Variants in TECRL observed in about 807,000 individuals in gnomAD.
TECRL encodes the protein trans-2,3-enoyl-CoA reductase like.
Under a neutral mutation model 52.8 loss-of-function variants are expected in TECRL, and 63 were observed. That is an observed-to-expected ratio of 1.19 (90% CI 0.97 to 1.47). The LOEUF (loss-of-function observed/expected upper bound fraction) is 1.47. Among genes scored for constraint, TECRL ranks in the 40% most tolerant of loss-of-function variants. TECRL has a pLI of 0.00. For missense variants in TECRL, 482 were observed against 429.6 expected (o/e 1.12, Z -1.08); for synonymous variants, 164 against 141.9 (o/e 1.16, Z -1.10).
At chr4:64,361,146 G>T (rs1181722748) in intron 2 of TECRL, among the ~76,000 whole-genome samples, 2 of 152,034 alleles carry the variant, frequency 1.3e-5, no homozygotes, top group East Asian at 1.9e-4. Flanking sequence ...GCTTGTCAGT[G>T]GTCACTGCCA....
intron 2 of TECRL, among the ~76,000 whole-genome samples, chr4:64,348,340 C>T (rs1206847012): frequency 1.3e-5 from 2 of 152,148 alleles, no homozygotes; most frequent in African/African-American, 4.8e-5. Flanking sequence ...ATCAGGAGAA[C>T]AGCATGGTTT....
chr4:64,289,359 C>T (rs761918304), intron 9 of TECRL, among the ~76,000 whole-genome samples: 1 of 152,086 alleles, frequency 6.6e-6, no homozygotes, highest in African/African-American at 2.4e-5. Context: ...AAATATTGTA[C>T]AAGTGGGATC....
intron 2 of TECRL, among the ~76,000 whole-genome samples, chr4:64,360,043 T>A (rs6551818): frequency 0.9 from 136,803 of 152,218 alleles, 62,139 homozygotes; most frequent in East Asian, 1. Context: ...TCTATATATC[T>A]TTAGCTGAAC....
chr4:64,409,162 T>G lies in TECRL; in HGVS notation c.190A>C (p.Ile64Leu), dbSNP rs1253613798. 6.2e-7 allele frequency: 1 copy of G among 1,613,504 alleles called. No homozygotes were observed. The highest frequency in any genetic ancestry group is 8.5e-7 in the Non-Finnish European group (1 of 1,179,764). The change falls in exon 1 of 12, where the codon ATA becomes CTA. Residue 64 changes from isoleucine to leucine, a missense_variant. Physicochemically the swap from Ile to Leu is conservative, Grantham distance 5. Transcript: ENST00000381210. ...HSKTTHFEIE[I>L]FDAQTRKQIC... The stretch of plus-strand genomic sequence containing the variant: ...TGTTTCCTTGTTTGAGCATCAAATA[T>G]TTCAATCTCAAAGTGAGTCGTTTTT...
At chr4:64,361,981 A>T (rs1721233581) in intron 2 of TECRL, among the ~76,000 whole-genome samples, 1 of 152,188 alleles carries the variant, frequency 6.6e-6, no homozygotes, top group Non-Finnish European at 1.5e-5. Context: ...GTATTAAAAG[A>T]TGACATAGCC....
At chr4:64,313,182 G>A (rs1426126044) in intron 5 of TECRL, among the ~76,000 whole-genome samples, 1 of 152,000 alleles carries the variant, frequency 6.6e-6, no homozygotes, top group African/African-American at 2.4e-5. Flanking sequence ...CTTGATTCGA[G>A]GTAAGAAAGT....
At chr4:64,329,112 G>T (rs1202799602) in intron 2 of TECRL, among the ~76,000 whole-genome samples, 1 of 151,816 alleles carries the variant, frequency 6.6e-6, no homozygotes, top group Non-Finnish European at 1.5e-5. Flanking sequence ...AATAAAGAGA[G>T]CACTAAATAA....
chr4:64,323,993 G>A (rs1160481663), intron 3 of TECRL, among the ~76,000 whole-genome samples: 1 of 151,992 alleles, frequency 6.6e-6, no homozygotes, highest in Non-Finnish European at 1.5e-5. Flanking sequence ...AAAACCGTGG[G>A]GCTTCATGAG....
chr4:64,381,201 G>A (rs1722766477), intron 1 of TECRL, among the ~76,000 whole-genome samples: 1 of 151,794 alleles, frequency 6.6e-6, no homozygotes, highest in African/African-American at 2.4e-5. Flanking sequence ...GTTTCTCATT[G>A]GTGTATAAAA....
intron 8 of TECRL, among the ~76,000 whole-genome samples, chr4:64,298,647 A>T (rs2109969762): frequency 6.6e-6 from 1 of 151,352 alleles, no homozygotes; most frequent in Non-Finnish European, 1.5e-5. Context: ...GAAATTAATA[A>T]TATTACATGA....
intron 1 of TECRL, among the ~76,000 whole-genome samples, chr4:64,386,361 C>T (rs1723177496): frequency 6.6e-6 from 1 of 151,974 alleles, no homozygotes; most frequent in Admixed American, 6.6e-5. Context: ...GGTCTTTATC[C>T]TCATCATCTT....
intron 1 of TECRL, among the ~76,000 whole-genome samples, chr4:64,398,450 G>T (rs1447149179): frequency 6.6e-6 from 1 of 152,100 alleles, no homozygotes; most frequent in Non-Finnish European, 1.5e-5. Flanking sequence ...AGATCTGGTT[G>T]TTTAAAGGTG....
chr4:64,368,655 C>T (rs1333821151), intron 2 of TECRL, among the ~76,000 whole-genome samples: 3 of 152,038 alleles, frequency 2.0e-5, no homozygotes, highest in Non-Finnish European at 2.9e-5. Context: ...TTTGAGGTAG[C>T]AGTAGAGGAA....
chr4:64,324,842 C>T (rs1042726577), intron 3 of TECRL, among the ~76,000 whole-genome samples: 3 of 151,890 alleles, frequency 2.0e-5, no homozygotes, highest in Admixed American at 1.3e-4. Context: ...CTGTGTTTAC[C>T]TAAGAACACA....
chr4:64,287,294 G>A lies in TECRL; in HGVS notation c.832+2416C>T, dbSNP rs1458914690. ...ATGTAATGTGTAATAACAAACATAT[G>A]CTTATATTATAGCTTTTTCATATAT... is the stretch of plus-strand genomic sequence containing the variant. On this transcript the variant is annotated intron_variant, in intron 9 of 11. Transcript: ENST00000381210. Among the ~76,000 whole-genome samples, 3 of 151,946 alleles carry A rather than the reference G, an allele frequency of 2.0e-5. No individual in the cohort carries two copies. In the East Asian group the frequency reaches 5.8e-4, roughly 29 times the overall value.
intron 5 of TECRL, among the ~76,000 whole-genome samples, chr4:64,312,576 A>G (rs1717112181): frequency 6.6e-6 from 1 of 152,046 alleles, no homozygotes; most frequent in African/African-American, 2.4e-5. Context: ...AGCCTGGGCA[A>G]CATAATGAGA....
In TECRL at chr4:64,316,034, G is replaced by A. The variant is rs760133901; in HGVS notation, c.436-1271C>T. On this transcript the variant is annotated intron_variant, in intron 4 of 11. Coordinates refer to ENST00000381210, the MANE Select transcript of TECRL (RefSeq NM_001010874.5). ...TAGAAAATGTTTGCCACTTGTGAAT[G>A]TGTAATGATAGAATGCCAAAACTCT... 9.9e-5 allele frequency among the ~76,000 whole-genome samples: 15 copies of A among 152,010 alleles called. No individual in the cohort carries two copies. In the Middle Eastern group the frequency reaches 0.01, roughly 103 times the overall value.
At position 64,279,397 on chromosome 4, in the gene TECRL, C is replaced by G. The variant is rs781474230; in HGVS notation, c.*675G>C. 1.3e-5 allele frequency: 2 copies of G among 152,186 alleles called. No individual in the cohort carries two copies. Among genetic ancestry groups the G allele is most frequent in the Non-Finnish European group, 1.5e-5 (1 of 68,080 alleles). The allele number at this position is 152,186 out of a possible 1,614,324, so 9.4% of individuals were successfully genotyped here. ...GACTACCTACTGGCATGTGCCACCA[C>G]GCCCAGCTAATTTTTACTTTTTAAA... On this transcript the variant is annotated 3_prime_UTR_variant, in exon 12 of 12. Coordinates refer to ENST00000381210, the MANE Select transcript of TECRL (RefSeq NM_001010874.5).
At chr4:64,387,613 G>A (rs1192215993) in intron 1 of TECRL, among the ~76,000 whole-genome samples, 1 of 152,068 alleles carries the variant, frequency 6.6e-6, no homozygotes, top group Non-Finnish European at 1.5e-5. Flanking sequence ...AAGGTTCACA[G>A]TAATATCGCA....
Sources: gnomAD v4.1 joint callset for allele counts (sites outside exome capture counted in the v4.1 genomes callset) on GRCh38, gnomAD v4.1.1 for gene constraint, MANE v1.5 for transcripts, NCBI Gene and HGNC (gene_info 2026-07-23, HGNC 2026-07-21) for gene names.